Variants in MAN2A2 observed in about 807,000 individuals in gnomAD.
MAN2A2 encodes the protein mannosidase alpha class 2A member 2.
Under a neutral mutation model 126.8 loss-of-function variants are expected in MAN2A2, and 79 were observed. The ratio of observed to expected loss-of-function variants is 0.62; its 90% confidence interval spans 0.52 to 0.75. The LOEUF (loss-of-function observed/expected upper bound fraction) is 0.75, where lower values mean the gene tolerates loss of function less well. Among genes scored for constraint, MAN2A2 ranks in the 30% least tolerant of loss-of-function variants. MAN2A2 has a pLI of 0.00. For missense variants in MAN2A2, 1,392 were observed against 1,522.4 expected (o/e 0.91, Z 1.43); for synonymous variants, 671 against 618.7 (o/e 1.08, Z -1.25).
At chr15:90,907,530 A>G (rs1402040494) in intron 8 of MAN2A2, 35 bp downstream of exon 8, 19 of 1,588,430 alleles carry the variant, frequency 1.2e-5, no homozygotes, top group Non-Finnish European at 1.5e-5. Flanking sequence ...TCACAGAGGA[A>G]TCGGGAGGCC....
chr15:90,910,619 T>C lies in MAN2A2; in HGVS notation c.1696T>C (p.Phe566Leu). Residue 566 changes from phenylalanine (F) to leucine (L), a missense_variant, in exon 11 of 23, where the codon TTC (phenylalanine) becomes CTC (leucine). Physicochemically the swap from Phe to Leu is conservative, Grantham distance 22 (BLOSUM62 0). Coordinates refer to ENST00000559717, the MANE Select transcript of MAN2A2 (RefSeq NM_006122.4). ...LTEARRTLGLFQHHDAITGTA... is the reference protein window; with the variant it reads ...LTEARRTLGLLQHHDAITGTA... ...GGAAGCTCGGCGCACATTGGGGCTCTTCCAGCATCACGATGCCATCACTGG... is the reference window on the plus strand; with the variant it reads ...GGAAGCTCGGCGCACATTGGGGCTCCTCCAGCATCACGATGCCATCACTGG... The C allele has an allele frequency of 6.2e-7, 1 of 1,614,118 alleles. No individual in the cohort carries two copies. Among genetic ancestry groups the C allele is most frequent in the Non-Finnish European group, 8.5e-7 (1 of 1,179,986 alleles).
intron 1 of MAN2A2, 45 bp from the exon 2 acceptor site, chr15:90,904,145 G>A (rs1273773857): frequency 1.9e-6 from 3 of 1,609,690 alleles, no homozygotes; most frequent in South Asian, 2.2e-5. Flanking sequence ...AGACTGCCAC[G>A]GGCATTTTGC....
At chr15:90,913,814 C>A in intron 19 of MAN2A2, 59 bp downstream of exon 19, 1 of 1,515,124 alleles carries the variant, frequency 6.6e-7, no homozygotes, top group South Asian at 1.3e-5. Flanking sequence ...CCGTCCCCAC[C>A]CTCAAGGGCT....
chr15:90,912,147 G>A lies in MAN2A2; in HGVS notation c.2214G>A (p.Leu738=), dbSNP rs1250597922. Residue 738 remains leucine (L), a synonymous_variant, in exon 15 of 23, where the codon CTG becomes CTA. Transcript: ENST00000559717. ...RTLPSSVRIY[L]HGRQLSVSRH... is the part of the protein sequence containing the mutation. ...TGCCCTCCTCTGTGCGCATCTACCT[G>A]CACGGCCGGCAGCTGTCCGTCAGCA... The A allele has an allele frequency of 6.2e-7, 1 of 1,613,854 alleles. No individual in the cohort carries two copies. Among genetic ancestry groups the A allele is most frequent in the Non-Finnish European group, 8.5e-7 (1 of 1,179,946 alleles).
chr15:90,914,880 G>C (rs1032384037), intron 19 of MAN2A2, among the ~76,000 whole-genome samples: 3 of 152,216 alleles, frequency 2.0e-5, no homozygotes, highest in Non-Finnish European at 4.4e-5. Flanking sequence ...TCAGACCCGG[G>C]TAGCTGGTCA....
chr15:90,911,121 A>T, intron 12 of MAN2A2, 50 bp from the exon 13 acceptor site: 1 of 1,591,842 alleles, frequency 6.3e-7, no homozygotes, highest in South Asian at 1.1e-5. Context: ...GTGGGGTGGG[A>T]GGAGGCTGAG....
intron 21 of MAN2A2, 114 bp downstream of exon 21, chr15:90,918,502 C>A: frequency 7.6e-7 from 1 of 1,313,406 alleles, no homozygotes; most frequent in Middle Eastern, 2.0e-4. Flanking sequence ...AGGTATTCGG[C>A]TCCAAACCTC....
At chr15:90,911,998 G>A in intron 14 of MAN2A2, 45 bp from the exon 15 acceptor site, 2 of 1,530,288 alleles carry the variant, frequency 1.3e-6, no homozygotes, top group Non-Finnish European at 1.8e-6. Flanking sequence ...GCACCCCTGT[G>A]GCGAAAGCCG....
intron 17 of MAN2A2, 71 bp from the exon 18 acceptor site, chr15:90,913,202 C>G: frequency 6.4e-7 from 1 of 1,569,388 alleles, no homozygotes. Flanking sequence ...GGCTCTGATC[C>G]CCCAGCCCAG....
In MAN2A2 at chr15:90,918,284, G is replaced by T; in HGVS notation, c.3085G>T (p.Ala1029Ser). The change falls in exon 21 of 23, where the codon GCC becomes TCC. Residue 1029 changes from alanine (A) to serine (S), a missense_variant. Coordinates refer to ENST00000559717, the MANE Select transcript of MAN2A2 (RefSeq NM_006122.4). ...CGCCCCGGCGCTCGCTCTGCCTGTAGCCAGGATGCAGCTCCCAGGCCCTGG... is the reference window on the plus strand; with the variant it reads ...CGCCCCGGCGCTCGCTCTGCCTGTATCCAGGATGCAGCTCCCAGGCCCTGG... ...LNAPALALPV[A>S]RMQLPGPGLR... 6.2e-7 allele frequency: 1 copy of T among 1,614,180 alleles called. No homozygotes were observed. Among genetic ancestry groups the T allele is most frequent in the South Asian group, 1.1e-5 (1 of 91,090 alleles).
rs749186537 is a variant in MAN2A2 at position 90,904,203 on chromosome 15, C to T, written c.-5C>T. On this transcript the variant is annotated 5_prime_UTR_variant, in exon 2 of 23. Coordinates refer to ENST00000559717, the MANE Select transcript of MAN2A2 (RefSeq NM_006122.4). The stretch of plus-strand genomic sequence containing the variant: ...CCTTCCTGCCAGGTGTGTGTGGAGG[C>T]CAGTATGAAGCTGAAAAAGCAGGTG... 6.2e-7 allele frequency: 1 copy of T among 1,614,170 alleles called. No individual in the cohort carries two copies.
At chr15:90,906,526 GC>G (rs767280276) in intron 6 of MAN2A2, 29 bp downstream of exon 6, 2 of 1,614,008 alleles carry the variant, frequency 1.2e-6, no homozygotes. Flanking sequence ...ATGGGGGTCT[GC>G]CCCCTGGGCT....
chr15:90,912,600 A>G lies in MAN2A2; in HGVS notation c.2405A>G (p.Tyr802Cys), dbSNP rs1458707555. 2 of 1,614,160 alleles carry G rather than the reference A, an allele frequency of 1.2e-6. No homozygotes were observed. Among genetic ancestry groups the G allele is most frequent in the Admixed American group, 1.7e-5 (1 of 60,032 alleles). The change falls in exon 16 of 23, where the codon TAT becomes TGT. Residue 802 changes from tyrosine (Y) to cysteine (C), a missense_variant. Transcript: ENST00000559717. Reference sequence around the variant, plus strand: ...CAGGTGGACATGCAGGTCCTTGTCTATGGCACCCGTACGTCCAAAGACAAG... The same window carrying G: ...CAGGTGGACATGCAGGTCCTTGTCTGTGGCACCCGTACGTCCAAAGACAAG... ...EQQVDMQVLV[Y>C]GTRTSKDKSG...
chr15:90,916,367 A>G, intron 20 of MAN2A2, 111 bp downstream of exon 20: 1 of 1,411,400 alleles, frequency 7.1e-7, no homozygotes, highest in South Asian at 1.3e-5. Context: ...CAAGAGAGAG[A>G]GAGTAGGGCT....
Position 90,912,676 on chromosome 15 carries a change from A to G in MAN2A2, c.2469+12A>G. On this transcript the variant is annotated intron_variant, in intron 16 of 22. Transcript: ENST00000559717. ...ATGGCGAGGCCAAGGTATCCTAAAG[A>G]TGCCTTGAACAACCTGGCAGGGAGG... is the stretch of plus-strand genomic sequence containing the variant. 1.9e-6 allele frequency: 3 copies of G among 1,613,884 alleles called. No individual in the cohort carries two copies. The highest frequency in any genetic ancestry group is 2.5e-6 in the Non-Finnish European group (3 of 1,179,938).
chr15:90,912,956 A>G lies in MAN2A2; in HGVS notation c.2549A>G (p.His850Arg). 6.2e-7 allele frequency: 1 copy of G among 1,613,994 alleles called. No individual in the cohort carries two copies. Among genetic ancestry groups the G allele is most frequent in the Non-Finnish European group, 8.5e-7 (1 of 1,179,934 alleles). Residue 850 changes from histidine (H) to arginine (R), a missense_variant, in exon 17 of 23, where the codon CAC becomes CGC. Coordinates refer to ENST00000559717, the MANE Select transcript of MAN2A2 (RefSeq NM_006122.4). ...TCAGAGGTGGTTGCGTACTATGAGC[A>G]CATTCACCAGGCGGTCCGGCTTTAC... is the stretch of plus-strand genomic sequence containing the variant. ...FFSEVVAYYE[H>R]IHQAVRLYNL...
chr15:90,907,884 C>T lies in MAN2A2; in HGVS notation c.1196+389C>T, dbSNP rs141290681. ...ACATTCAGTCCCACGAGATAGCCTC[C>T]AGCCTCTGAGAAAACAGACCTGTCC... On this transcript the variant is annotated intron_variant, in intron 8 of 22. Coordinates refer to ENST00000559717, the MANE Select transcript of MAN2A2 (RefSeq NM_006122.4). Among the ~76,000 whole-genome samples the T allele has an allele frequency of 1.4e-3, 214 of 152,310 alleles. 1 individual carries two copies. The highest frequency in any genetic ancestry group is 6.8e-3 in the Middle Eastern group (2 of 294).
At chr15:90,903,700 T>C in intron 1 of MAN2A2, 1 of 235,944 alleles carries the variant, frequency 4.2e-6, no homozygotes, top group Non-Finnish European at 8.5e-6. Context: ...TCATTCTGTG[T>C]TTCTGAGAAA....
At chr15:90,919,306 C>T (rs1443713407) in intron 22 of MAN2A2, among the ~76,000 whole-genome samples, 1 of 152,202 alleles carries the variant, frequency 6.6e-6, no homozygotes, top group African/African-American at 2.4e-5. Flanking sequence ...GTGGCGTGAT[C>T]GCAGCTCACT....
Sources: gnomAD v4.1 joint callset for allele counts (sites outside exome capture counted in the v4.1 genomes callset) on GRCh38, gnomAD v4.1.1 for gene constraint, MANE v1.5 for transcripts, NCBI Gene and HGNC (gene_info 2026-07-23, HGNC 2026-07-21) for gene names.